The following TRAF7 variants were observed in gnomAD, a reference collection of about 807,000 sequenced individuals.
TRAF7 encodes TNF receptor associated factor 7, also known as E3 ubiquitin-protein ligase TRAF7.
A neutral mutation model predicts 89.3 loss-of-function variants in TRAF7; 45 were observed. The ratio of observed to expected loss-of-function variants is 0.50; its 90% CI spans 0.40 to 0.65. The LOEUF is 0.65. Ranked by LOEUF, TRAF7 falls within the 30% of genes least tolerant of loss-of-function variation. The pLI, the probability that TRAF7 is intolerant of heterozygous loss-of-function variation, is 0.00. For missense variants in TRAF7, 677 were observed against 918.1 expected, an observed-to-expected ratio of 0.74 and a Z score of 3.39; for synonymous variants, 406 against 369.2, an observed-to-expected ratio of 1.10 and a Z score of -1.14.
In TRAF7 at chr16:2,162,862, G is replaced by A. The variant is rs1596668950; in HGVS notation, c.-38-1021G>A. On this transcript the variant is annotated intron_variant, in intron 1 of 20. Transcript: ENST00000326181. This position sits in a 1 kb window ranked among gnomAD's most constrained non-coding sequence, Gnocchi z 5.0. ...GCTATCCGCTGCCAGCAGGAGACAGGGCTGTCCCAGCTGCATTCTGCCAGG... is the reference window on the plus strand; with the variant it reads ...GCTATCCGCTGCCAGCAGGAGACAGAGCTGTCCCAGCTGCATTCTGCCAGG... 6.6e-6 allele frequency among the ~76,000 whole-genome samples: 1 copy of A among 152,046 alleles called. No homozygotes were observed. The highest frequency in any genetic ancestry group is 1.5e-5 in the Non-Finnish European group (1 of 67,986).
chr16:2,164,443 G>A (rs1318975200), intron 2 of TRAF7, among the ~76,000 whole-genome samples: 4 of 144,264 alleles, frequency 2.8e-5, no homozygotes, highest in African/African-American at 1.0e-4. Context: ...CTGGTCGCAT[G>A]GTTAAGCGTG....
At chr16:2,176,243 C>T (rs771208433) in intron 19 of TRAF7, 22 bp from the exon 20 acceptor site, 15 of 1,600,642 alleles carry the variant, frequency 9.4e-6, no homozygotes, top group African/African-American at 8.0e-5. Flanking sequence ...CCGGCGGGCC[C>T]TCACGTCCCA....
chr16:2,164,189 CGTGT>C (rs75258558), intron 2 of TRAF7, among the ~76,000 whole-genome samples, 188 bp downstream of exon 2: 22 of 140,978 alleles, frequency 1.6e-4, no homozygotes, highest in South Asian at 4.5e-4. Context: ...CGCACGCGTG[CGTGT>C]GTGGTTGGGG....
rs558023500 is a variant in TRAF7, at chr16:2,172,178, C to T, written c.476-13C>T. The T allele has an allele frequency of 1.6e-5, 25 of 1,612,886 alleles. No individual in the cohort carries two copies. In the African/African-American group the frequency reaches 2.9e-4, roughly 19 times the overall value. On this transcript the variant is annotated splice_polypyrimidine_tract_variant and intron_variant, in intron 7 of 20. Coordinates refer to ENST00000326181, the MANE Select transcript of TRAF7 (RefSeq NM_032271.3). Reference sequence around the variant, plus strand: ...AGGCAGGCCGTGAGGGTCAGCACGCCCTCCTCTCCCAGAGAAGTGTCCCGT... The same window carrying T: ...AGGCAGGCCGTGAGGGTCAGCACGCTCTCCTCTCCCAGAGAAGTGTCCCGT...
At chr16:2,171,047 C>T (rs575541133) in intron 5 of TRAF7, among the ~76,000 whole-genome samples, 1 of 152,332 alleles carries the variant, frequency 6.6e-6, no homozygotes, top group South Asian at 2.1e-4. Context: ...GGCGGCTGAA[C>T]TCATCCTCCG....
chr16:2,177,273 G>C lies in TRAF7; in HGVS notation c.*699G>C, dbSNP rs1364935890. ...GAGCCCAGCCTGTGCCGCCCTCTGA[G>C]GAGAGGCCTGGGGGGACAGCTGGGC... On this transcript the variant is annotated 3_prime_UTR_variant, in exon 21 of 21. Coordinates refer to ENST00000326181, the MANE Select transcript of TRAF7 (RefSeq NM_032271.3). The C allele has an allele frequency of 3.3e-5, 8 of 239,628 alleles. No homozygotes were observed. In the East Asian group the frequency reaches 4.8e-4, roughly 14 times the overall value. The allele number at this position is 239,628 out of a possible 1,614,324, so 14.8% of individuals were successfully genotyped here. A position where few individuals can be genotyped will look rare whatever the true frequency, so the allele number is the denominator to read the frequency against.
intron 3 of TRAF7, among the ~76,000 whole-genome samples, chr16:2,166,196 G>A (rs1567248853): frequency 6.6e-6 from 1 of 152,172 alleles, no homozygotes; most frequent in South Asian, 2.1e-4. Flanking sequence ...ATCCCCTCTA[G>A]GGAGGCTTGC....
chr16:2,172,619 GGGT>G lies in TRAF7; in HGVS notation c.794+23_794+25del. 3.7e-5 allele frequency: 50 copies of G among 1,354,514 alleles called. No homozygotes were observed. The highest frequency in any genetic ancestry group is 4.8e-5 in the Non-Finnish European group (47 of 975,344). The allele number at this position is 1,354,514 out of a possible 1,614,324, so 83.9% of individuals were successfully genotyped here. A position where few individuals can be genotyped will look rare whatever the true frequency, so the allele number is the denominator to read the frequency against. ...GTACGGGTGAGTGGGGGGCGGGCGG[GGGT>G]GGGCCGGGGTGGGCGCAGGCCCTCC... On this transcript the variant is annotated intron_variant, in intron 9 of 20. Transcript: ENST00000326181.
At position 2,162,088 on chromosome 16, in the gene TRAF7, G is replaced by C. The variant is rs1380825803; in HGVS notation, c.-38-1795G>C. ...CAGGCCCCATCTCCCGAGACCATGG[G>C]ACGCAAAGATCAGGTGGGGCCAGGT... is the stretch of plus-strand genomic sequence containing the variant. On this transcript the variant is annotated intron_variant, in intron 1 of 20. Transcript: ENST00000326181. The surrounding 1 kb of genome is among the most constrained non-coding windows in gnomAD (Gnocchi z 5.0). Among the ~76,000 whole-genome samples the C allele has an allele frequency of 2.0e-5, 3 of 152,250 alleles. No homozygotes were observed. Among genetic ancestry groups the C allele is most frequent in the African/African-American group, 7.2e-5 (3 of 41,464 alleles).
intron 3 of TRAF7, among the ~76,000 whole-genome samples, chr16:2,167,019 G>A (rs1023667941): frequency 3.3e-5 from 5 of 152,168 alleles, no homozygotes; most frequent in East Asian, 1.9e-4. Flanking sequence ...TCATAGGGCC[G>A]CCAAGGACAC....
Position 2,170,559 on chromosome 16 carries a change from C to T in TRAF7, c.232-55C>T, listed in dbSNP as rs2093104627. The T allele has an allele frequency of 4.2e-6, 6 of 1,412,804 alleles. No homozygotes were observed. The East Asian group carries it at 9.5e-5, about 22-fold the overall frequency. 87.5% of individuals were successfully genotyped at this position (1,412,804 alleles called of 1,614,324 possible). On this transcript the variant is annotated intron_variant, in intron 4 of 20. Transcript: ENST00000326181. Reference sequence around the variant, plus strand: ...TCCGCCGGGCTGGGTCCTGTCCTCCCCGAGGCTCTGACCCCGTGCGGAGCC... The same window carrying T: ...TCCGCCGGGCTGGGTCCTGTCCTCCTCGAGGCTCTGACCCCGTGCGGAGCC...
chr16:2,164,171 C>CACGCGT (rs2093070420), intron 2 of TRAF7, among the ~76,000 whole-genome samples, 170 bp downstream of exon 2: 1 of 119,042 alleles, frequency 8.4e-6, no homozygotes, highest in Non-Finnish European at 1.8e-5. Flanking sequence ...CGCGCGCGCG[C>CACGCGT]GCGCGCGCGC....
chr16:2,177,847 A>AGCCCCCGGCAGAGCACCC lies in TRAF7; in HGVS notation c.*1282_*1299dup, dbSNP rs1369232810. On this transcript the variant is annotated 3_prime_UTR_variant, in exon 21 of 21. Coordinates refer to ENST00000326181, the MANE Select transcript of TRAF7 (RefSeq NM_032271.3). ...AGAACTTAGGAGAGAAGCACGGAGG[A>AGCCCCCGGCAGAGCACCC]GCCCCCGGCAGAGCACCCGCCCCCG... is the stretch of plus-strand genomic sequence containing the variant. The AGCCCCCGGCAGAGCACCC allele has an allele frequency of 7.4e-6, 2 of 271,436 alleles. No homozygotes were observed. Among genetic ancestry groups the AGCCCCCGGCAGAGCACCC allele is most frequent in the Admixed American group, 1.1e-4 (2 of 18,668 alleles). The allele number at this position is 271,436 out of a possible 1,614,324, so 16.8% of individuals were successfully genotyped here. A position where few individuals can be genotyped will look rare whatever the true frequency, so the allele number is the denominator to read the frequency against.
intron 1 of TRAF7, among the ~76,000 whole-genome samples, chr16:2,156,388 C>T (rs1470256593): frequency 2.6e-5 from 4 of 152,220 alleles, no homozygotes; most frequent in African/African-American, 9.7e-5. Flanking sequence ...TTGGCAAATG[C>T]CTCCTGCGGA....
At position 2,163,764 on chromosome 16, in the gene TRAF7, A is replaced by G. The variant is rs972619942; in HGVS notation, c.-38-119A>G. ...TGCCTGAGCCGGGGCTGGTGGTGGAAGGCTGCTGCGGCGGCCCCACGGTGC... is the reference window on the plus strand; with the variant it reads ...TGCCTGAGCCGGGGCTGGTGGTGGAGGGCTGCTGCGGCGGCCCCACGGTGC... On this transcript the variant is annotated intron_variant, in intron 1 of 20. Transcript: ENST00000326181. This position sits in a 1 kb window ranked among gnomAD's most constrained non-coding sequence, Gnocchi z 4.3. 1.0e-5 allele frequency: 7 copies of G among 688,426 alleles called. No homozygotes were observed. The highest frequency in any genetic ancestry group is 2.4e-4 in the Middle Eastern group (1 of 4,092). The allele number at this position is 688,426 out of a possible 1,614,324, so 42.6% of individuals were successfully genotyped here.
rs779599401 is a variant in TRAF7, at chr16:2,177,512, G to A, written c.*938G>A. 13 of 233,906 alleles carry A rather than the reference G, an allele frequency of 5.6e-5. No homozygotes were observed. Among genetic ancestry groups the A allele is most frequent in the South Asian group, 1.8e-4 (1 of 5,622 alleles). The allele number at this position is 233,906 out of a possible 1,614,324, so 14.5% of individuals were successfully genotyped here. A position where few individuals can be genotyped will look rare whatever the true frequency, so the allele number is the denominator to read the frequency against. ...GACCAGTCAGTACTTCTTGGAGGGG[G>A]CAGGAGGAGAGAGGAAAAGGGAGGG... On this transcript the variant is annotated 3_prime_UTR_variant, in exon 21 of 21. Coordinates refer to ENST00000326181, the MANE Select transcript of TRAF7 (RefSeq NM_032271.3).
rs2093065202 is a variant in TRAF7 at position 2,163,362 on chromosome 16, G to A, written c.-38-521G>A. Among the ~76,000 whole-genome samples, 1 of 152,214 alleles carries A rather than the reference G, an allele frequency of 6.6e-6. No homozygotes were observed. Among genetic ancestry groups the A allele is most frequent in the South Asian group, 2.1e-4 (1 of 4,834 alleles). The stretch of plus-strand genomic sequence containing the variant: ...ACCCTGCAGGTTCTTTCTCTGGGGT[G>A]TGGCTGGTGTCTCCCCGCTGCAGCC... On this transcript the variant is annotated intron_variant, in intron 1 of 20. Coordinates refer to ENST00000326181, the MANE Select transcript of TRAF7 (RefSeq NM_032271.3). This position sits in a 1 kb window ranked among gnomAD's most constrained non-coding sequence, Gnocchi z 4.3.
chr16:2,175,651 G>A (rs751218294), intron 17 of TRAF7, 29 bp downstream of exon 17: 33 of 1,605,906 alleles, frequency 2.1e-5, no homozygotes, highest in Admixed American at 3.3e-5. Context: ...GGTGGCCACA[G>A]GGCCTTGCCT....
chr16:2,170,677 T>C lies in TRAF7; in HGVS notation c.295T>C (p.Ser99Pro). The C allele has an allele frequency of 6.2e-7, 1 of 1,609,092 alleles. No individual in the cohort carries two copies. Among genetic ancestry groups the C allele is most frequent in the Non-Finnish European group, 8.5e-7 (1 of 1,178,216 alleles). ...AISVRSLHSE[S>P]SMSLRSTFSL... ...CTCTGTCCGCTCCCTGCACTCAGAG[T>C]CCAGCATGTCTCTGCGCTCCACATT... The change falls in exon 5 of 21, where the codon TCC becomes CCC. Residue 99 changes from serine to proline, a missense_variant. By Grantham distance (74) the Ser-to-Pro change is moderately conservative (BLOSUM62 -1). Around this residue, in one of 6 missense-constraint regions of TRAF7, gnomAD observed 240 missense variants for 191.9 expected, o/e 1.25. Transcript: ENST00000326181.
Sources: allele counts gnomAD v4.1 joint callset (sites outside exome capture counted in the v4.1 genomes callset), GRCh38; gene constraint gnomAD v4.1.1; regional missense constraint gnomAD v4.1.1; non-coding constraint Gnocchi (gnomAD v3.1); transcripts MANE v1.5; gene names NCBI Gene and HGNC (gene_info 2026-07-23, HGNC 2026-07-21).